ALKAL1: variants seen among roughly 807,000 people sequenced by gnomAD.
ALKAL1 encodes AUG-beta.
ALKAL1 carries 23 observed loss-of-function variants against 13.5 expected under a neutral mutation model. The observed-to-expected ratio is 1.70, with a 90% CI of 1.23 to 2.41. The LOEUF is 2.41. ALKAL1 is among the 30% of genes most tolerant of loss of function. The probability of loss-of-function intolerance (pLI) is 0.00; values close to 1 mark genes in which losing one functional copy is unlikely to be tolerated. For missense variants in ALKAL1, 181 were observed against 178.4 expected (o/e 1.01, Z -0.08); for synonymous variants, 85 against 77.7 (o/e 1.09, Z -0.49).
intron 1 of ALKAL1, among the ~76,000 whole-genome samples, chr8:52,543,515 G>A (rs1218171322): frequency 6.6e-6 from 1 of 152,222 alleles, no homozygotes; most frequent in Non-Finnish European, 1.5e-5. Context: ...GCCTGGTTCA[G>A]GGCGTGATTG....
chr8:52,565,049 G>T lies in ALKAL1; in HGVS notation c.190+18C>A. 1 of 1,371,604 alleles carries T rather than the reference G, an allele frequency of 7.3e-7. No homozygotes were observed. The highest frequency in any genetic ancestry group is 3.6e-5 in the Admixed American group (1 of 27,900). The allele number at this position is 1,371,604 out of a possible 1,614,324, so 85.0% of individuals were successfully genotyped here. A position where few individuals can be genotyped will look rare whatever the true frequency, so the allele number is the denominator to read the frequency against. The stretch of plus-strand genomic sequence containing the variant: ...CCAGGCGCAGGGCAAAGGATGGGGC[G>T]GGATGGGGACATCGTACCTGCGCTC... On this transcript the variant is annotated intron_variant, in intron 1 of 4. Transcript: ENST00000358543.
chr8:52,556,891 T>C (rs892819578), intron 1 of ALKAL1, among the ~76,000 whole-genome samples: 1 of 152,210 alleles, frequency 6.6e-6, no homozygotes, highest in Non-Finnish European at 1.5e-5. Context: ...CATCAATTAA[T>C]GCAGTAGTAA....
intron 2 of ALKAL1, among the ~76,000 whole-genome samples, chr8:52,540,807 G>A (rs1343154324): frequency 6.6e-6 from 1 of 152,042 alleles, no homozygotes; most frequent in African/African-American, 2.4e-5. Context: ...TGCTTCTCGT[G>A]GGGTCTACGG....
chr8:52,544,661 T>C (rs1234405832), intron 1 of ALKAL1, among the ~76,000 whole-genome samples: 2 of 151,924 alleles, frequency 1.3e-5, no homozygotes, highest in East Asian at 1.9e-4. Flanking sequence ...GATGAGCAAG[T>C]CTAGAGGTCT....
chr8:52,565,048 C>A lies in ALKAL1; in HGVS notation c.190+19G>T, dbSNP rs972744970. 8.8e-6 allele frequency: 12 copies of A among 1,368,988 alleles called. No individual in the cohort carries two copies. Among genetic ancestry groups the A allele is most frequent in the Admixed American group, 3.6e-5 (1 of 27,628 alleles). The allele number at this position is 1,368,988 out of a possible 1,614,324, so 84.8% of individuals were successfully genotyped here. ...CCCAGGCGCAGGGCAAAGGATGGGG[C>A]GGGATGGGGACATCGTACCTGCGCT... On this transcript the variant is annotated intron_variant, in intron 1 of 4. Coordinates refer to ENST00000358543, the MANE Select transcript of ALKAL1 (RefSeq NM_207413.4).
chr8:52,548,878 T>C (rs1429108589), intron 1 of ALKAL1, among the ~76,000 whole-genome samples: 1 of 152,144 alleles, frequency 6.6e-6, no homozygotes, highest in African/African-American at 2.4e-5. Flanking sequence ...TAGATGTGCA[T>C]ATATATGTAC....
At chr8:52,562,834 C>T (rs1847564503) in intron 1 of ALKAL1, among the ~76,000 whole-genome samples, 1 of 152,164 alleles carries the variant, frequency 6.6e-6, no homozygotes, top group African/African-American at 2.4e-5. Context: ...ATATTTTCCT[C>T]CTGAATGAAC....
chr8:52,549,873 C>T (rs1298396671), intron 1 of ALKAL1, among the ~76,000 whole-genome samples: 2 of 152,016 alleles, frequency 1.3e-5, no homozygotes, highest in Non-Finnish European at 2.9e-5. Flanking sequence ...ACCAGGGAGG[C>T]GGAGGTTGCA....
In ALKAL1 at chr8:52,534,604, TG is replaced by T; in HGVS notation, c.*13-5del. On this transcript the variant is annotated splice_region_variant and splice_polypyrimidine_tract_variant and intron_variant, in intron 4 of 4. Coordinates refer to ENST00000358543, the MANE Select transcript of ALKAL1 (RefSeq NM_207413.4). Reference sequence around the variant, plus strand: ...GATGTACATTCTTAGGAAATGTCTGTGGGGGTAAAAGAAGAGCCATATCATT... The same window carrying T: ...GATGTACATTCTTAGGAAATGTCTGTGGGGTAAAAGAAGAGCCATATCATT... 3 of 601,060 alleles carry T rather than the reference TG, an allele frequency of 5.0e-6. No homozygotes were observed. Among genetic ancestry groups the T allele is most frequent in the South Asian group, 2.1e-5 (1 of 47,514 alleles). The allele number at this position is 601,060 out of a possible 1,614,324, so 37.2% of individuals were successfully genotyped here.
At chr8:52,548,359 AAAAG>A (rs1438549752) in intron 1 of ALKAL1, among the ~76,000 whole-genome samples, 1 of 152,154 alleles carries the variant, frequency 6.6e-6, no homozygotes, top group African/African-American at 2.4e-5. Flanking sequence ...AGAAAAAAAA[AAAAG>A]AAGAAGAAAT....
At chr8:52,561,247 C>T (rs1847547617) in intron 1 of ALKAL1, among the ~76,000 whole-genome samples, 1 of 152,070 alleles carries the variant, frequency 6.6e-6, no homozygotes, top group South Asian at 2.1e-4. Context: ...AAATAAAATC[C>T]CACTATTACG....
At chr8:52,536,961 A>G (rs1370866619) in intron 4 of ALKAL1, among the ~76,000 whole-genome samples, 1 of 152,186 alleles carries the variant, frequency 6.6e-6, no homozygotes, top group Non-Finnish European at 1.5e-5. Flanking sequence ...GTTCATGGGT[A>G]TTGCTAAAAT....
At chr8:52,536,362 T>A (rs10108010) in intron 4 of ALKAL1, among the ~76,000 whole-genome samples, 4,757 of 152,096 alleles carry the variant, frequency 0.031, 223 homozygotes, top group African/African-American at 0.11. Flanking sequence ...GCAAAAGAAC[T>A]ACTGATTAAA....
intron 4 of ALKAL1, among the ~76,000 whole-genome samples, chr8:52,535,976 T>C (rs1300652304): frequency 6.6e-6 from 1 of 152,178 alleles, no homozygotes; most frequent in Non-Finnish European, 1.5e-5. Flanking sequence ...TCTCGCTCTG[T>C]TGCCAAGCCT....
At chr8:52,564,740 A>C (rs1847583092) in intron 1 of ALKAL1, among the ~76,000 whole-genome samples, 3 of 152,014 alleles carry the variant, frequency 2.0e-5, no homozygotes, top group Admixed American at 1.3e-4. Flanking sequence ...CAGGGACCTA[A>C]CCTGTCCACC....
At chr8:52,555,745 C>T (rs781205064) in intron 1 of ALKAL1, among the ~76,000 whole-genome samples, 14 of 152,302 alleles carry the variant, frequency 9.2e-5, no homozygotes, top group Non-Finnish European at 1.9e-4. Context: ...CTCACCCTGC[C>T]GTGCCTTGGC....
intron 1 of ALKAL1, among the ~76,000 whole-genome samples, chr8:52,552,647 A>G (rs1379587050): frequency 2.6e-5 from 4 of 152,070 alleles, no homozygotes; most frequent in Non-Finnish European, 5.9e-5. Flanking sequence ...TACTTTCTTT[A>G]TTTTGTGTCT....
At position 52,539,859 on chromosome 8, in the gene ALKAL1, G is replaced by T; in HGVS notation, c.297C>A (p.Tyr99Ter). The T allele has an allele frequency of 6.2e-7, 1 of 1,613,110 alleles. No individual in the cohort carries two copies. The highest frequency in any genetic ancestry group is 8.5e-7 in the Non-Finnish European group (1 of 1,179,724). Reference protein sequence around the residue: ...ECSKHFHRLYYNTRECSTPAY... With the variant: ...ECSKHFHRLY ...CTGGCGTTGAGCACTCCCTGGTATT[G>T]TAATAGAGTCGGTGGAAATGTTTGC... Residue 99 changes from tyrosine to a stop codon, truncating the protein, a stop_gained, in exon 3 of 5, where the codon TAC (tyrosine) becomes TAA (stop). Transcript: ENST00000358543. LOFTEE classifies it high-confidence loss of function.
intron 3 of ALKAL1, among the ~76,000 whole-genome samples, chr8:52,539,308 G>C (rs563503541): frequency 6.6e-6 from 1 of 152,224 alleles, no homozygotes; most frequent in East Asian, 1.9e-4. Flanking sequence ...TCAAATGAGA[G>C]CACTTAAATA....
Sources: allele counts gnomAD v4.1 joint callset (sites outside exome capture counted in the v4.1 genomes callset), GRCh38; gene constraint gnomAD v4.1.1; transcripts MANE v1.5; gene names NCBI Gene and HGNC (gene_info 2026-07-23, HGNC 2026-07-21).